Variants in SNX29 observed in about 807,000 individuals in gnomAD.
SNX29 encodes sorting nexin 29.
SNX29 carries 78 observed loss-of-function variants against 102.1 expected under a neutral mutation model. The observed-to-expected ratio is 0.76, with a 90% CI of 0.64 to 0.92. SNX29 has a LOEUF of 0.92. Among genes scored for constraint, SNX29 ranks in the 40% least tolerant of loss-of-function variants. SNX29 has a pLI of 0.00. For missense variants in SNX29, 1,280 were observed against 1,061.7 expected (o/e 1.21, Z -2.86); for synonymous variants, 580 against 414.5 (o/e 1.40, Z -4.85).
intron 11 of SNX29, among the ~76,000 whole-genome samples, chr16:12,101,043 G>A (rs904871644): frequency 2.0e-5 from 3 of 152,142 alleles, no homozygotes; most frequent in African/African-American, 7.2e-5. Flanking sequence ...AGGACGAAGA[G>A]TGCCACGAAG....
chr16:12,322,123 C>G (rs1394994919), intron 15 of SNX29, among the ~76,000 whole-genome samples: 1 of 152,172 alleles, frequency 6.6e-6, no homozygotes, highest in African/African-American at 2.4e-5. Context: ...CCAGGCTTCT[C>G]CCTACCTGCA....
chr16:12,375,650 C>G (rs1211159652), intron 16 of SNX29: 2 of 152,232 alleles, frequency 1.3e-5, no homozygotes, highest in Non-Finnish European at 2.9e-5. Flanking sequence ...GGTTTCTTGC[C>G]TATCCAGGCC....
At chr16:12,527,197 G>T (rs61740759) in intron 20 of SNX29, 10 of 533,616 alleles carry the variant, frequency 1.9e-5, no homozygotes, top group Non-Finnish European at 2.9e-5. Flanking sequence ...GGAATGTACG[G>T]ATTGTTTCAT....
Position 12,544,175 on chromosome 16 carries a change from G to C in SNX29, c.2318+19334G>C, listed in dbSNP as rs7205029. On this transcript the variant is annotated intron_variant, in intron 20 of 20. Coordinates refer to ENST00000566228, the MANE Select transcript of SNX29 (RefSeq NM_032167.5). ...TTCCTAAGAACACGGGATGGGAATC[G>C]GTGGTGTGCACATCAGCCAAGGCTT... is the stretch of plus-strand genomic sequence containing the variant. Among the ~76,000 whole-genome samples, 391 of 152,266 alleles carry C rather than the reference G, an allele frequency of 2.6e-3. 2 individuals are homozygous for C. The highest frequency in any genetic ancestry group is 7.1e-3 in the South Asian group (34 of 4,822).
intron 3 of SNX29, among the ~76,000 whole-genome samples, chr16:12,013,332 C>T (rs1034142647): frequency 2.0e-5 from 3 of 149,622 alleles, no homozygotes; most frequent in Non-Finnish European, 4.4e-5. Flanking sequence ...CTGACAAAAC[C>T]TCAAAACAAC....
intron 19 of SNX29, among the ~76,000 whole-genome samples, chr16:12,491,069 G>C (rs969425628): frequency 2.0e-5 from 3 of 152,202 alleles, no homozygotes; most frequent in African/African-American, 4.8e-5. Context: ...CATTTCTTGA[G>C]ATGTATTCAT....
intron 19 of SNX29, among the ~76,000 whole-genome samples, chr16:12,481,358 T>A (rs559772308): frequency 6.6e-6 from 1 of 151,978 alleles, no homozygotes; most frequent in South Asian, 2.1e-4. Flanking sequence ...AATAAGCTGG[T>A]TGAACTGTGA....
intron 14 of SNX29, among the ~76,000 whole-genome samples, chr16:12,239,392 A>T (rs2078032179): frequency 6.6e-6 from 1 of 152,098 alleles, no homozygotes; most frequent in African/African-American, 2.4e-5. Flanking sequence ...GCTGGGTCGT[A>T]TGTAGCCTAC....
At chr16:12,546,404 C>G (rs1055879925) in intron 20 of SNX29, 2 of 102,406 alleles carry the variant, frequency 2.0e-5, no homozygotes, top group Non-Finnish European at 5.5e-5. Context: ...CAAGTCACTT[C>G]TTAAGCTCTT....
intron 15 of SNX29, among the ~76,000 whole-genome samples, chr16:12,307,145 G>T (rs1225542752): frequency 6.6e-6 from 1 of 152,144 alleles, no homozygotes; most frequent in African/African-American, 2.4e-5. Context: ...TCAGAATAGT[G>T]CTCTGTCAAC....
chr16:12,187,980 A>C (rs2076552464), intron 13 of SNX29, among the ~76,000 whole-genome samples: 1 of 152,182 alleles, frequency 6.6e-6, no homozygotes, highest in Non-Finnish European at 1.5e-5. Flanking sequence ...CTAGGGGATG[A>C]GCTGGGGAAG....
rs2079215840 is a variant in SNX29, at chr16:12,572,791, T to TC, written c.*4166dup. ...AGGAAGACCCCACCTCACTCCTCCT[T>TC]CCCCAGTACATCAGACTGGTTAGGA... On this transcript the variant is annotated 3_prime_UTR_variant, in exon 21 of 21. Coordinates refer to ENST00000566228, the MANE Select transcript of SNX29 (RefSeq NM_032167.5). 2 of 1,063,408 alleles carry TC rather than the reference T, an allele frequency of 1.9e-6. No homozygotes were observed. The highest frequency in any genetic ancestry group is 1.6e-5 in the African/African-American group (1 of 61,070). 65.9% of individuals were successfully genotyped at this position (1,063,408 alleles called of 1,614,324 possible). A position where few individuals can be genotyped will look rare whatever the true frequency, so the allele number is the denominator to read the frequency against.
intron 13 of SNX29, among the ~76,000 whole-genome samples, chr16:12,191,089 C>T (rs747706910): frequency 9.1e-4 from 138 of 152,148 alleles, no homozygotes; most frequent in African/African-American, 2.9e-3. Context: ...GGGATAAAAC[C>T]GTTCCATCTC....
At chr16:12,033,741 C>T (rs908762708) in intron 4 of SNX29, among the ~76,000 whole-genome samples, 5 of 151,790 alleles carry the variant, frequency 3.3e-5, no homozygotes, top group Admixed American at 1.3e-4. Context: ...TGAGTAGCTG[C>T]GATTACAGGT....
intron 18 of SNX29, among the ~76,000 whole-genome samples, chr16:12,421,758 C>G (rs1030281697): frequency 6.6e-6 from 1 of 152,112 alleles, no homozygotes; most frequent in Non-Finnish European, 1.5e-5. Flanking sequence ...TCATTATCAT[C>G]ATCACCATCA....
Position 12,570,115 on chromosome 16 carries a change from T to G in SNX29, c.*1486T>G. 9.8e-7 allele frequency: 1 copy of G among 1,024,470 alleles called. No individual in the cohort carries two copies. The highest frequency in any genetic ancestry group is 1.2e-6 in the Non-Finnish European group (1 of 842,462). The allele number at this position is 1,024,470 out of a possible 1,614,324, so 63.5% of individuals were successfully genotyped here. A position where few individuals can be genotyped will look rare whatever the true frequency, so the allele number is the denominator to read the frequency against. On this transcript the variant is annotated 3_prime_UTR_variant, in exon 21 of 21. Coordinates refer to ENST00000566228, the MANE Select transcript of SNX29 (RefSeq NM_032167.5). ...TTCCCCTCGTAGCAAAAAGGAAGATTGTTCATGGCCTTTAAGGAAGGCTGA... is the reference window on the plus strand; with the variant it reads ...TTCCCCTCGTAGCAAAAAGGAAGATGGTTCATGGCCTTTAAGGAAGGCTGA...
intron 15 of SNX29, among the ~76,000 whole-genome samples, chr16:12,327,661 G>A (rs2081160975): frequency 6.6e-6 from 1 of 152,140 alleles, no homozygotes; most frequent in African/African-American, 2.4e-5. Flanking sequence ...TTGAACATGT[G>A]AATTACGGGG....
At chr16:12,538,844 AAGAGGGGCAC>A (rs1567673103) in intron 20 of SNX29, among the ~76,000 whole-genome samples, 3 of 152,180 alleles carry the variant, frequency 2.0e-5, no homozygotes, top group African/African-American at 4.8e-5. Context: ...TCACGTGGCA[AAGAGGGGCAC>A]AGAGAACGGT....
In SNX29 at chr16:12,566,902, A is replaced by G. The variant is rs150193889; in HGVS notation, c.2319-1604A>G. On this transcript the variant is annotated intron_variant, in intron 20 of 20. Coordinates refer to ENST00000566228, the MANE Select transcript of SNX29 (RefSeq NM_032167.5). ...ACAACTTGACTTACAGGAAAAGACA[A>G]TCATTAAAAGGGGTCTTCATTTTGT... Among the ~76,000 whole-genome samples the G allele has an allele frequency of 4.4e-3, 664 of 152,356 alleles. 1 individual carries two copies. Among genetic ancestry groups the G allele is most frequent in the African/African-American group, 0.015 (607 of 41,594 alleles).
Sources: gnomAD v4.1 joint callset for allele counts (sites outside exome capture counted in the v4.1 genomes callset) on GRCh38, gnomAD v4.1.1 for gene constraint, MANE v1.5 for transcripts, NCBI Gene and HGNC (gene_info 2026-07-23, HGNC 2026-07-21) for gene names.